Variants in DLG2 observed in about 807,000 individuals in gnomAD.
The protein encoded by DLG2 is discs large MAGUK scaffold protein 2.
A neutral mutation model predicts 132.5 loss-of-function variants in DLG2; 45 were observed. The observed-to-expected ratio is 0.34, with a 90% confidence interval of 0.27 to 0.44. The LOEUF (loss-of-function observed/expected upper bound fraction) is 0.44. DLG2 is among the 20% of genes least tolerant of loss of function. The pLI is 1.00. For missense variants in DLG2, 1,045 were observed against 1,196.9 expected (o/e 0.87, Z 1.87); for synonymous variants, 424 against 419.6 (o/e 1.01, Z -0.13).
intron 6 of DLG2, among the ~76,000 whole-genome samples, chr11:84,802,873 C>T (rs1172401815): frequency 6.6e-6 from 1 of 152,122 alleles, no homozygotes; most frequent in Middle Eastern, 3.2e-3. Context: ...GATCTCGGCT[C>T]ACTGCAACCT....
chr11:84,124,922 C>T (rs2094106246), intron 9 of DLG2, among the ~76,000 whole-genome samples: 1 of 137,548 alleles, frequency 7.3e-6, no homozygotes, highest in Non-Finnish European at 1.5e-5. Flanking sequence ...GTGATCTTGG[C>T]TTACCGCAAC....
intron 6 of DLG2, among the ~76,000 whole-genome samples, chr11:84,756,762 T>C (rs1307258571): frequency 6.6e-6 from 1 of 152,222 alleles, no homozygotes; most frequent in East Asian, 1.9e-4. Flanking sequence ...TTTTTTTTAA[T>C]TTTTGTTTTT....
chr11:84,042,073 CA>C (rs1172700074), intron 11 of DLG2, among the ~76,000 whole-genome samples: 1 of 151,950 alleles, frequency 6.6e-6, no homozygotes, highest in Non-Finnish European at 1.5e-5. Flanking sequence ...TGCCCAGTCT[CA>C]GGTATCTCTT....
rs999901924 is a variant in DLG2 at position 83,723,168 on chromosome 11, G to A, written c.1825+63522C>T. Among the ~76,000 whole-genome samples, 4 of 152,160 alleles carry A rather than the reference G, an allele frequency of 2.6e-5. No individual in the cohort carries two copies. The South Asian group carries it at 6.2e-4, about 24-fold the overall frequency. On this transcript the variant is annotated intron_variant, in intron 18 of 27. Coordinates refer to ENST00000376104, the MANE Select transcript of DLG2 (RefSeq NM_001142699.3). ...GGCCGAGGAGGGCAGATCATTTGAGGTTAGAAGTTCGAGACCAGCCCGGCC... is the reference window on the plus strand; with the variant it reads ...GGCCGAGGAGGGCAGATCATTTGAGATTAGAAGTTCGAGACCAGCCCGGCC...
At chr11:85,310,716 A>C (rs2080260919) in intron 3 of DLG2, among the ~76,000 whole-genome samples, 1 of 152,208 alleles carries the variant, frequency 6.6e-6, no homozygotes, top group African/African-American at 2.4e-5. Flanking sequence ...TGACATGTTT[A>C]CAGCCATCGT....
rs533274743 is a variant in DLG2 at position 85,366,843 on chromosome 11, C to A, written c.41-81478G>T. 2.0e-5 allele frequency among the ~76,000 whole-genome samples: 3 copies of A among 152,184 alleles called. No homozygotes were observed. In the East Asian group the frequency reaches 5.8e-4, roughly 29 times the overall value. The stretch of plus-strand genomic sequence containing the variant: ...AATACTATTAATCTTATAAGCTTTG[C>A]AAACTTTCTTGAACTTTTCACTTTT... On this transcript the variant is annotated intron_variant, in intron 3 of 27. Coordinates refer to ENST00000376104, the MANE Select transcript of DLG2 (RefSeq NM_001142699.3).
At chr11:83,749,932 A>C (rs1409789471) in intron 18 of DLG2, among the ~76,000 whole-genome samples, 3 of 152,176 alleles carry the variant, frequency 2.0e-5, no homozygotes, top group African/African-American at 7.2e-5. Context: ...ACTAATCAAA[A>C]AGACTGCCCT....
In DLG2 at chr11:85,482,114, C is replaced by T. The variant is rs2093310181; in HGVS notation, c.40+116543G>A. On this transcript the variant is annotated intron_variant, in intron 3 of 27. Coordinates refer to ENST00000376104, the MANE Select transcript of DLG2 (RefSeq NM_001142699.3). The stretch of plus-strand genomic sequence containing the variant: ...GCCCCTGTGGCCCCAGGCTGCAGAC[C>T]ACCCCTAGCACCAAGCTGGATGCCA... Among the ~76,000 whole-genome samples, 4 of 152,160 alleles carry T rather than the reference C, an allele frequency of 2.6e-5. No individual in the cohort carries two copies. The South Asian group carries it at 8.3e-4, about 32-fold the overall frequency.
intron 21 of DLG2, among the ~76,000 whole-genome samples, 189 bp from the exon 22 acceptor site, chr11:83,484,417 A>G (rs2137538835): frequency 6.6e-6 from 1 of 152,270 alleles, no homozygotes; most frequent in South Asian, 2.1e-4. Flanking sequence ...GAATGGTGGC[A>G]CCTTGGAAAA....
intron 3 of DLG2, among the ~76,000 whole-genome samples, chr11:85,424,561 A>G (rs1004962198): frequency 6.6e-6 from 1 of 152,180 alleles, no homozygotes; most frequent in East Asian, 1.9e-4. Context: ...ACCAGTTTGC[A>G]TTAGGTTTTT....
At chr11:83,797,154 A>G (rs963468593) in intron 17 of DLG2, among the ~76,000 whole-genome samples, 11 of 152,282 alleles carry the variant, frequency 7.2e-5, no homozygotes, top group African/African-American at 2.6e-4. Context: ...TCTGAAGAAC[A>G]GGAAGCAGTT....
chr11:84,399,809 T>C (rs1271671656), intron 7 of DLG2, among the ~76,000 whole-genome samples: 6 of 152,228 alleles, frequency 3.9e-5, no homozygotes, highest in Admixed American at 6.5e-5. Context: ...TCTACAAAAA[T>C]CCAAGGGGCT....
chr11:85,406,799 C>T (rs1187364521), intron 3 of DLG2, among the ~76,000 whole-genome samples: 1 of 151,670 alleles, frequency 6.6e-6, no homozygotes, highest in African/African-American at 2.4e-5. Context: ...GTCCAATAAA[C>T]CATTTTTCAG....
chr11:85,364,679 T>C (rs933817243), intron 3 of DLG2, among the ~76,000 whole-genome samples: 1 of 152,176 alleles, frequency 6.6e-6, no homozygotes, highest in African/African-American at 2.4e-5. Flanking sequence ...TTGGGGAACA[T>C]AAACTAGACA....
At chr11:83,995,551 A>G (rs2093977786) in intron 11 of DLG2, among the ~76,000 whole-genome samples, 1 of 152,224 alleles carries the variant, frequency 6.6e-6, no homozygotes, top group Non-Finnish European at 1.5e-5. Context: ...AACTGGAAGA[A>G]TCACATTCCC....
rs61907150 is a variant in DLG2 at position 85,525,842 on chromosome 11, A to T, written c.40+72815T>A. 5.4e-3 allele frequency among the ~76,000 whole-genome samples: 817 copies of T among 152,282 alleles called. 3 individuals are homozygous for T. The highest frequency in any genetic ancestry group is 8.2e-3 in the Non-Finnish European group (557 of 68,010). ...ATCTGCAGAGATCAAGGCAGTGAGA[A>T]TTTAAAGGACAGAGACTAGACAGGA... On this transcript the variant is annotated intron_variant, in intron 3 of 27. Transcript: ENST00000376104.
At chr11:85,002,691 G>A (rs2058319977) in intron 6 of DLG2, among the ~76,000 whole-genome samples, 1 of 151,956 alleles carries the variant, frequency 6.6e-6, no homozygotes, top group Non-Finnish European at 1.5e-5. Context: ...TGAACAACAT[G>A]GATTTGACCT....
chr11:84,894,014 C>G (rs2089835696), intron 6 of DLG2, among the ~76,000 whole-genome samples: 1 of 152,050 alleles, frequency 6.6e-6, no homozygotes, highest in South Asian at 2.1e-4. Context: ...GAAGCCAGTT[C>G]TCTGTAATGA....
intron 10 of DLG2, among the ~76,000 whole-genome samples, chr11:84,061,930 C>A (rs1382932295): frequency 6.6e-6 from 1 of 151,542 alleles, no homozygotes; most frequent in Non-Finnish European, 1.5e-5. Context: ...AGCTGCCCTG[C>A]AGCAGCTGGT....
Sources: gnomAD v4.1 joint callset for allele counts (sites outside exome capture counted in the v4.1 genomes callset) on GRCh38, gnomAD v4.1.1 for gene constraint, MANE v1.5 for transcripts, NCBI Gene and HGNC (gene_info 2026-07-23, HGNC 2026-07-21) for gene names.